Variants in PDZRN3 observed in about 807,000 individuals in gnomAD.
The protein encoded by PDZRN3 is PDZ domain containing ring finger 3, also known as E3 ubiquitin-protein ligase PDZRN3.
In PDZRN3, 38 loss-of-function variants were observed where a neutral mutation model predicts 85.7. The observed-to-expected ratio is 0.44, with a 90% CI of 0.34 to 0.58. The LOEUF (loss-of-function observed/expected upper bound fraction) is 0.58, where lower values mean the gene tolerates loss of function less well. Among genes scored for constraint, PDZRN3 ranks in the 20% least tolerant of loss-of-function variants. The probability of loss-of-function intolerance (pLI) is 0.01; values close to 1 mark genes in which losing one functional copy is unlikely to be tolerated. For missense variants in PDZRN3, 1,629 were observed against 1,506.4 expected (o/e 1.08, Z -1.35); for synonymous variants, 759 against 638.0 (o/e 1.19, Z -2.86).
Position 73,434,512 on chromosome 3 carries a change from G to T in PDZRN3, c.919-30117C>A, listed in dbSNP as rs1702494987. On this transcript the variant is annotated intron_variant, in intron 3 of 9. Transcript: ENST00000263666. The stretch of plus-strand genomic sequence containing the variant: ...GCTAGGGGTTATAAGGAGAGAGGCT[G>T]CCCTACAGGTGAGAAAGCAGATAAT... Among the ~76,000 whole-genome samples, 4 of 152,212 alleles carry T rather than the reference G, an allele frequency of 2.6e-5. No homozygotes were observed. In the South Asian group the frequency reaches 8.3e-4, roughly 32 times the overall value.
chr3:73,547,203 GA>G (rs1156868221), intron 3 of PDZRN3, among the ~76,000 whole-genome samples: 1 of 152,204 alleles, frequency 6.6e-6, no homozygotes, highest in Admixed American at 6.5e-5. Flanking sequence ...CCGAACTCTG[GA>G]AACAGGTTGA....
chr3:73,531,528 G>A (rs937578322), intron 3 of PDZRN3, among the ~76,000 whole-genome samples: 6 of 152,238 alleles, frequency 3.9e-5, no homozygotes, highest in Admixed American at 6.5e-5. Flanking sequence ...CTTTCTGCCT[G>A]ACCCAGTGTC....
chr3:73,434,388 T>A (rs1408801422), intron 3 of PDZRN3, among the ~76,000 whole-genome samples: 1 of 152,238 alleles, frequency 6.6e-6, no homozygotes, highest in Non-Finnish European at 1.5e-5. Flanking sequence ...AATGTTCATA[T>A]AATATTTAGT....
In PDZRN3 at chr3:73,608,647, CGATG is replaced by C; in HGVS notation, c.757_760del (p.His253GlyfsTer33). The C allele has an allele frequency of 1.9e-6, 3 of 1,612,940 alleles. No individual in the cohort carries two copies. Among genetic ancestry groups the C allele is most frequent in the Non-Finnish European group, 8.5e-7 (1 of 1,179,410 alleles). The stretch of plus-strand genomic sequence containing the variant: ...ATTGAATCCCAGGGAGCCGGAGTCC[CGATG>C]CAGGACAAGAGTCAGACTTTTGGTT... On this transcript the variant is annotated frameshift_variant, in exon 2 of 10. Coordinates refer to ENST00000263666, the MANE Select transcript of PDZRN3 (RefSeq NM_015009.3). LOFTEE classifies it high-confidence loss of function.
intron 7 of PDZRN3, among the ~76,000 whole-genome samples, chr3:73,388,380 G>T (rs1411868850): frequency 4.6e-5 from 7 of 152,172 alleles, no homozygotes; most frequent in African/African-American, 1.7e-4. Flanking sequence ...ATGCTCTGCA[G>T]AGGGAACATG....
intron 4 of PDZRN3, 164 bp from the exon 5 acceptor site, chr3:73,401,173 T>A: frequency 1.7e-6 from 1 of 580,260 alleles, no homozygotes; most frequent in South Asian, 2.1e-5. Context: ...AGGACCTCCA[T>A]CATCCTAATT....
At chr3:73,568,653 T>C (rs987630290) in intron 3 of PDZRN3, among the ~76,000 whole-genome samples, 1 of 152,204 alleles carries the variant, frequency 6.6e-6, no homozygotes, top group Non-Finnish European at 1.5e-5. Flanking sequence ...CTTGATATGG[T>C]AGCACATGGC....
At chr3:73,538,606 C>A (rs1048847018) in intron 3 of PDZRN3, among the ~76,000 whole-genome samples, 3 of 152,210 alleles carry the variant, frequency 2.0e-5, no homozygotes, top group Non-Finnish European at 4.4e-5. Flanking sequence ...CTTGATGCTA[C>A]TCCTCATTTA....
At chr3:73,448,544 A>G (rs1178135029) in intron 3 of PDZRN3, among the ~76,000 whole-genome samples, 1 of 152,190 alleles carries the variant, frequency 6.6e-6, no homozygotes, top group Non-Finnish European at 1.5e-5. Flanking sequence ...TACTTAGGGC[A>G]TCAGAAAAAC....
intron 3 of PDZRN3, among the ~76,000 whole-genome samples, chr3:73,449,303 T>G (rs1426356682): frequency 6.6e-6 from 1 of 152,090 alleles, no homozygotes; most frequent in Non-Finnish European, 1.5e-5. Context: ...CTGATTAATA[T>G]TCATATTCGG....
intron 3 of PDZRN3, among the ~76,000 whole-genome samples, chr3:73,509,978 A>G (rs1321539103): frequency 1.3e-5 from 2 of 152,180 alleles, no homozygotes; most frequent in African/African-American, 4.8e-5. Flanking sequence ...AGAAGCAGTA[A>G]CAACAGAAAG....
chr3:73,572,335 T>C (rs560634691), intron 3 of PDZRN3, among the ~76,000 whole-genome samples: 1 of 152,368 alleles, frequency 6.6e-6, no homozygotes, highest in East Asian at 1.9e-4. Context: ...GTTAAACTTC[T>C]AGCTGCTAGC....
At chr3:73,519,863 G>A (rs1704323250) in intron 3 of PDZRN3, among the ~76,000 whole-genome samples, 1 of 152,206 alleles carries the variant, frequency 6.6e-6, no homozygotes, top group Non-Finnish European at 1.5e-5. Flanking sequence ...TGGTGGGACA[G>A]GAGTCTAAGG....
intron 1 of PDZRN3, among the ~76,000 whole-genome samples, chr3:73,616,397 G>T (rs13082679): frequency 0.5 from 76,611 of 152,032 alleles, 22,024 homozygotes; most frequent in East Asian, 0.69. Context: ...TTTCTGGCCA[G>T]TCTCTCCATA....
chr3:73,389,890 A>AT lies in PDZRN3; in HGVS notation c.1354-13dup, dbSNP rs1367344805. 6.2e-7 allele frequency: 1 copy of AT among 1,609,024 alleles called. No homozygotes were observed. Among genetic ancestry groups the AT allele is most frequent in the East Asian group, 2.2e-5 (1 of 44,862 alleles). On this transcript the variant is annotated splice_polypyrimidine_tract_variant and intron_variant, in intron 6 of 9. Coordinates refer to ENST00000263666, the MANE Select transcript of PDZRN3 (RefSeq NM_015009.3). ...CTGTTAGGGTCAATCTGAAACACAC[A>AT]TGGACCATCTCAGCGCAAACGCAGA...
At chr3:73,441,411 CAAAAAAAA>C (rs10656791) in intron 3 of PDZRN3, among the ~76,000 whole-genome samples, 5 of 68,162 alleles carry the variant, frequency 7.3e-5, no homozygotes, top group South Asian at 6.8e-4. Context: ...GACTCTGTCC[CAAAAAAAA>C]AAAAAAAAAA....
intron 3 of PDZRN3, among the ~76,000 whole-genome samples, chr3:73,537,252 T>C (rs6549551): frequency 0.51 from 76,988 of 151,988 alleles, 19,802 homozygotes; most frequent in African/African-American, 0.57. Context: ...CTAGGGAAGG[T>C]GGGGCCACAG....
chr3:73,512,078 G>A (rs1383089068), intron 3 of PDZRN3, among the ~76,000 whole-genome samples: 3 of 152,228 alleles, frequency 2.0e-5, no homozygotes, highest in Non-Finnish European at 4.4e-5. Flanking sequence ...TAACAGCTCA[G>A]CATACACACA....
rs181058429 is a variant in PDZRN3 at position 73,477,847 on chromosome 3, T to A, written c.919-73452A>T. Among the ~76,000 whole-genome samples the A allele has an allele frequency of 9.2e-5, 14 of 152,178 alleles. No individual in the cohort carries two copies. The East Asian group carries it at 2.7e-3, about 29-fold the overall frequency. ...CCTCACGATCATGGCGGAAAGTGAA[T>A]AAAGAGCAAAGGCATGTCTTACATG... On this transcript the variant is annotated intron_variant, in intron 3 of 9. Coordinates refer to ENST00000263666, the MANE Select transcript of PDZRN3 (RefSeq NM_015009.3).
Sources: allele counts gnomAD v4.1 joint callset (sites outside exome capture counted in the v4.1 genomes callset), GRCh38; gene constraint gnomAD v4.1.1; transcripts MANE v1.5; gene names NCBI Gene and HGNC (gene_info 2026-07-23, HGNC 2026-07-21).